The following DSCAML1 variants were observed in gnomAD, a reference collection of about 807,000 sequenced individuals.
DSCAML1 encodes DS cell adhesion molecule like 1, also known as cell adhesion molecule DSCAML1.
In DSCAML1, 38 loss-of-function variants were observed where a neutral mutation model predicts 200.5. The ratio of observed to expected loss-of-function variants is 0.19; its 90% confidence interval spans 0.15 to 0.25. DSCAML1 has a LOEUF of 0.25. Among genes scored for constraint, DSCAML1 ranks in the 10% least tolerant of loss-of-function variants. The pLI, the probability that DSCAML1 is intolerant of heterozygous loss-of-function variation, is 1.00. For missense variants in DSCAML1, 2,223 were observed against 2,858.8 expected, an observed-to-expected ratio of 0.78 and a Z score of 5.07; for synonymous variants, 1,215 against 1,165.0, an observed-to-expected ratio of 1.04 and a Z score of -0.87.
intron 1 of DSCAML1, among the ~76,000 whole-genome samples, chr11:117,815,037 G>A (rs113770024): frequency 0.013 from 1,937 of 152,290 alleles, 21 homozygotes; most frequent in Non-Finnish European, 0.02. Flanking sequence ...CTCCTGGCTC[G>A]GGGCCAAGCC....
rs1015362100 is a variant in DSCAML1, at chr11:117,431,100, TCCC to T, written c.5375-70_5375-68del. The T allele has an allele frequency of 1.0e-5, 15 of 1,468,558 alleles. No individual in the cohort carries two copies. The East Asian group carries it at 2.0e-4, about 20-fold the overall frequency. The allele number at this position is 1,468,558 out of a possible 1,614,324, so 91.0% of individuals were successfully genotyped here. On this transcript the variant is annotated intron_variant, in intron 31 of 32. Coordinates refer to ENST00000651296, the MANE Select transcript of DSCAML1 (RefSeq NM_020693.4). ...GTATAAGTGAGACTGACTGAGCACT[TCCC>T]CTGCCCGTAACCCCAGCAGCCATCT... is the stretch of plus-strand genomic sequence containing the variant.
intron 3 of DSCAML1, among the ~76,000 whole-genome samples, chr11:117,732,563 G>C (rs1431565958): frequency 6.6e-6 from 1 of 152,138 alleles, no homozygotes; most frequent in Non-Finnish European, 1.5e-5. Flanking sequence ...ATGGTGAGAG[G>C]TCCGACCGGG....
At chr11:117,591,748 A>T (rs2137485660) in intron 3 of DSCAML1, among the ~76,000 whole-genome samples, 1 of 152,254 alleles carries the variant, frequency 6.6e-6, no homozygotes, top group African/African-American at 2.4e-5. Flanking sequence ...CAGATGCCCC[A>T]GGGTCCCCGT....
intron 3 of DSCAML1, among the ~76,000 whole-genome samples, chr11:117,661,213 C>T (rs2052842862): frequency 2.0e-5 from 3 of 152,074 alleles, no homozygotes; most frequent in South Asian, 4.2e-4. Flanking sequence ...GAGGATGATT[C>T]CCCCAAACAG....
chr11:117,457,198 G>A (rs1201185803), intron 19 of DSCAML1, among the ~76,000 whole-genome samples: 2 of 152,196 alleles, frequency 1.3e-5, no homozygotes, highest in African/African-American at 2.4e-5. Flanking sequence ...CTGCGGCGCC[G>A]CCTCCCGAAG....
At chr11:117,658,212 C>T (rs2052772013) in intron 3 of DSCAML1, among the ~76,000 whole-genome samples, 1 of 152,188 alleles carries the variant, frequency 6.6e-6, no homozygotes, top group Non-Finnish European at 1.5e-5. Context: ...CGTGAGGTCC[C>T]TTCTGCAGCC....
At chr11:117,456,524 G>A (rs149617623) in intron 19 of DSCAML1, among the ~76,000 whole-genome samples, 54 of 152,200 alleles carry the variant, frequency 3.5e-4, no homozygotes, top group Middle Eastern at 6.8e-3. Context: ...CCTGTAACAT[G>A]GAAATAATGC....
intron 16 of DSCAML1, among the ~76,000 whole-genome samples, chr11:117,467,193 A>ACACCCCCCCCCC (rs1555172719): frequency 5.5e-5 from 6 of 109,516 alleles, no homozygotes; most frequent in Admixed American, 2.0e-4. Flanking sequence ...GTGCACACAC[A>ACACCCCCCCCCC]CCTCCCCCCT....
intron 3 of DSCAML1, among the ~76,000 whole-genome samples, chr11:117,640,094 T>G (rs1211650307): frequency 6.6e-6 from 1 of 152,196 alleles, no homozygotes; most frequent in Non-Finnish European, 1.5e-5. Flanking sequence ...CGTCTTGTTC[T>G]GCAGTGACAG....
chr11:117,484,631 T>C (rs1592650320), intron 11 of DSCAML1, among the ~76,000 whole-genome samples: 2 of 152,226 alleles, frequency 1.3e-5, no homozygotes, highest in African/African-American at 2.4e-5. Flanking sequence ...CGGAGGAATA[T>C]TTTTCCATCA....
intron 3 of DSCAML1, among the ~76,000 whole-genome samples, chr11:117,764,806 A>G (rs2054862278): frequency 6.6e-6 from 1 of 152,150 alleles, no homozygotes; most frequent in Admixed American, 6.5e-5. Context: ...CCTGTGTCCC[A>G]CTATGAGGGG....
intron 27 of DSCAML1, among the ~76,000 whole-genome samples, chr11:117,434,909 T>C (rs1045727623): frequency 6.6e-6 from 1 of 152,226 alleles, no homozygotes; most frequent in Non-Finnish European, 1.5e-5. Flanking sequence ...CATTAGTCAT[T>C]CCCTCTTCTG....
intron 3 of DSCAML1, among the ~76,000 whole-genome samples, chr11:117,746,366 C>T (rs922515223): frequency 6.6e-6 from 1 of 152,104 alleles, no homozygotes; most frequent in South Asian, 2.1e-4. Context: ...AGATTGGGAC[C>T]TGAGACCTGA....
At chr11:117,567,474 C>T (rs4096588) in intron 3 of DSCAML1, among the ~76,000 whole-genome samples, 128,940 of 152,004 alleles carry the variant, frequency 0.85, 54,992 homozygotes, top group Middle Eastern at 0.89. Context: ...AGATTCTGGA[C>T]ACTAGCCCTT....
chr11:117,536,369 C>A (rs1480356440), intron 3 of DSCAML1, among the ~76,000 whole-genome samples: 1 of 152,196 alleles, frequency 6.6e-6, no homozygotes, highest in Non-Finnish European at 1.5e-5. Context: ...ATGCTCTGCA[C>A]CCCAGAGGCA....
At chr11:117,704,268 A>G (rs906641188) in intron 3 of DSCAML1, among the ~76,000 whole-genome samples, 13 of 152,072 alleles carry the variant, frequency 8.5e-5, no homozygotes, top group East Asian at 3.9e-4. Context: ...AAACTTAATT[A>G]TCATTCCTCA....
At chr11:117,731,276 C>A (rs1020669007) in intron 3 of DSCAML1, among the ~76,000 whole-genome samples, 1 of 152,150 alleles carries the variant, frequency 6.6e-6, no homozygotes, top group Non-Finnish European at 1.5e-5. Context: ...TAGAAAGAAC[C>A]GCAGCCCTCT....
chr11:117,518,558 G>C lies in DSCAML1; in HGVS notation c.1418C>G (p.Thr473Arg). The change falls in exon 7 of 33, where the codon ACA (threonine) becomes AGA (arginine). Residue 473 changes from threonine to arginine, a missense_variant. Transcript: ENST00000651296. This position sits in a 1 kb window ranked among gnomAD's most constrained non-coding sequence, Gnocchi z 6.3. ...GCCCCCGTCGCGGATCTGGGGGCCT[G>C]TGACGTTCATGTGGCTGATGGTGGT... ...DGTTISHMNVTGPQIRDGGVY... is the reference protein window; with the variant it reads ...DGTTISHMNVRGPQIRDGGVY... 6.2e-7 allele frequency: 1 copy of C among 1,614,210 alleles called. No individual in the cohort carries two copies. The highest frequency in any genetic ancestry group is 8.5e-7 in the Non-Finnish European group (1 of 1,180,038).
intron 3 of DSCAML1, among the ~76,000 whole-genome samples, chr11:117,559,866 G>A (rs1359763914): frequency 6.6e-6 from 1 of 152,156 alleles, no homozygotes. Flanking sequence ...GCTGGCTGGG[G>A]TGAGAGGGAG....
Sources: gnomAD v4.1 joint callset for allele counts (sites outside exome capture counted in the v4.1 genomes callset) on GRCh38, gnomAD v4.1.1 for gene constraint, Gnocchi (gnomAD v3.1) non-coding constraint, MANE v1.5 for transcripts, NCBI Gene and HGNC (gene_info 2026-07-23, HGNC 2026-07-21) for gene names.